The following CUL1 variants were observed in gnomAD, a reference collection of about 807,000 sequenced individuals.
CUL1 encodes cullin 1.
Under a neutral mutation model 118.0 loss-of-function variants are expected in CUL1, and 24 were observed. That is an observed-to-expected ratio of 0.20 (90% CI 0.15 to 0.29). CUL1 has a LOEUF of 0.29. Among genes scored for constraint, CUL1 ranks in the 10% least tolerant of loss-of-function variants. The pLI is 1.00. For synonymous variants in CUL1, 332 were observed against 340.4 expected (o/e 0.98, Z 0.27); for missense variants, 361 against 933.8 (o/e 0.39, Z 7.99).
chr7:148,732,867 G>T (rs1001512762), intron 2 of CUL1, among the ~76,000 whole-genome samples: 1 of 152,068 alleles, frequency 6.6e-6, no homozygotes, highest in African/African-American at 2.4e-5. Flanking sequence ...TTTTGTCTGA[G>T]AAATAATAGC....
chr7:148,724,890 C>T (rs1453319311), intron 1 of CUL1, among the ~76,000 whole-genome samples: 7 of 151,908 alleles, frequency 4.6e-5, no homozygotes, highest in Admixed American at 4.6e-4. Flanking sequence ...GTTTGGGGAC[C>T]TCCTAGGTTT....
chr7:148,702,614 C>T (rs1319073648), intron 1 of CUL1, among the ~76,000 whole-genome samples: 1 of 152,178 alleles, frequency 6.6e-6, no homozygotes, highest in Non-Finnish European at 1.5e-5. Flanking sequence ...CACTGGTCTG[C>T]CTTTCCTAGT....
At chr7:148,788,519 G>A in intron 13 of CUL1, 38 bp from the exon 14 acceptor site, 7 of 1,314,466 alleles carry the variant, frequency 5.3e-6, no homozygotes, top group East Asian at 2.3e-5. Context: ...TTGTATTTTT[G>A]TACAAATTAA....
intron 2 of CUL1, among the ~76,000 whole-genome samples, chr7:148,742,936 G>A (rs949979433): frequency 6.6e-6 from 1 of 152,110 alleles, no homozygotes; most frequent in Non-Finnish European, 1.5e-5. Context: ...GTATTTGAAA[G>A]TATAAATTTC....
intron 7 of CUL1, among the ~76,000 whole-genome samples, chr7:148,764,615 C>G (rs1799945358): frequency 6.6e-6 from 1 of 152,172 alleles, no homozygotes; most frequent in African/African-American, 2.4e-5. Flanking sequence ...TATGTTCTTC[C>G]AAGAAAGAGT....
At chr7:148,720,104 A>C (rs959647606) in intron 1 of CUL1, among the ~76,000 whole-genome samples, 5 of 152,226 alleles carry the variant, frequency 3.3e-5, no homozygotes, top group Admixed American at 6.5e-5. Flanking sequence ...TTATATAGTT[A>C]ATAAGCTGAC....
At position 148,798,561 on chromosome 7, in the gene CUL1, T is replaced by C. The variant is rs1801285413; in HGVS notation, c.2031-11T>C. ...TATAATAGTGATCGGTTTCCTCATT[T>C]TTCTTGATAGTAAGAAATTAAGGGT... On this transcript the variant is annotated splice_polypyrimidine_tract_variant and intron_variant, in intron 19 of 21. Transcript: ENST00000325222. 6.2e-7 allele frequency: 1 copy of C among 1,602,622 alleles called. No individual in the cohort carries two copies. The highest frequency in any genetic ancestry group is 1.3e-5 in the African/African-American group (1 of 74,690).
intron 2 of CUL1, among the ~76,000 whole-genome samples, chr7:148,744,397 A>AGTGT (rs56093418): frequency 0.014 from 2,030 of 144,056 alleles, 20 homozygotes; most frequent in African/African-American, 0.025. Context: ...TTGTTTCTGC[A>AGTGT]GTGTGTGTGT....
At chr7:148,783,407 T>C (rs1800713113) in intron 9 of CUL1, 1 of 985,482 alleles carries the variant, frequency 1.0e-6, no homozygotes, top group Non-Finnish European at 1.2e-6. Context: ...CCTCGGCGGC[T>C]AAACGCCTTC....
At chr7:148,753,235 CTGAGTA>C (rs1309663574) in intron 2 of CUL1, among the ~76,000 whole-genome samples, 6 of 152,198 alleles carry the variant, frequency 3.9e-5, no homozygotes, top group Non-Finnish European at 5.9e-5. Flanking sequence ...GTTGATCTTT[CTGAGTA>C]TAAGTATCTT....
At chr7:148,756,348 A>G (rs1799656034) in intron 3 of CUL1, among the ~76,000 whole-genome samples, 1 of 151,864 alleles carries the variant, frequency 6.6e-6, no homozygotes, top group Non-Finnish European at 1.5e-5. Flanking sequence ...TTTTTTGGGA[A>G]GGGGTGCGGC....
chr7:148,748,026 A>G (rs1018102045), intron 2 of CUL1, among the ~76,000 whole-genome samples: 1 of 152,236 alleles, frequency 6.6e-6, no homozygotes, highest in African/African-American at 2.4e-5. Flanking sequence ...TAAAGTGGGC[A>G]TGTCATATTT....
intron 9 of CUL1, among the ~76,000 whole-genome samples, chr7:148,782,656 A>C (rs917589639): frequency 1.3e-5 from 2 of 152,312 alleles, no homozygotes; most frequent in Non-Finnish European, 2.9e-5. Flanking sequence ...TTTTAACAGG[A>C]AACTTCTGAC....
At chr7:148,793,239 C>CT (rs1418823283) in intron 17 of CUL1, among the ~76,000 whole-genome samples, 1 of 152,178 alleles carries the variant, frequency 6.6e-6, no homozygotes, top group Non-Finnish European at 1.5e-5. Flanking sequence ...TTAGGCTTTT[C>CT]TTACTAAGCT....
At chr7:148,707,761 A>G (rs565491190) in intron 1 of CUL1, among the ~76,000 whole-genome samples, 1 of 152,284 alleles carries the variant, frequency 6.6e-6, no homozygotes, top group African/African-American at 2.4e-5. Context: ...TTTTTCTTTA[A>G]AAATCTAAAA....
rs552178464 is a variant in CUL1 at position 148,800,963 on chromosome 7, A to C, written c.*381A>C. On this transcript the variant is annotated 3_prime_UTR_variant, in exon 22 of 22. Transcript: ENST00000325222. The surrounding 1 kb of genome is among the most constrained non-coding windows in gnomAD (Gnocchi z 4.6). Reference sequence around the variant, plus strand: ...TGAGTGGACCCACATGTAACCTGCTATGAAAACCATTTGTATAGTGTGTTT... The same window carrying C: ...TGAGTGGACCCACATGTAACCTGCTCTGAAAACCATTTGTATAGTGTGTTT... The C allele has an allele frequency of 4.1e-5, 7 of 169,464 alleles. No homozygotes were observed. In the South Asian group the frequency reaches 7.2e-4, roughly 18 times the overall value. 10.5% of individuals were successfully genotyped at this position (169,464 alleles called of 1,614,324 possible).
At chr7:148,705,093 T>C (rs1458454592) in intron 1 of CUL1, among the ~76,000 whole-genome samples, 1 of 152,214 alleles carries the variant, frequency 6.6e-6, no homozygotes, top group Non-Finnish European at 1.5e-5. Flanking sequence ...CTCATTTATT[T>C]CCCCATATCT....
At chr7:148,763,158 T>A (rs71532742) in intron 7 of CUL1, among the ~76,000 whole-genome samples, 5,069 of 150,672 alleles carry the variant, frequency 0.034, 123 homozygotes, top group Non-Finnish European at 0.052. Context: ...AAAAAAAAAA[T>A]AAAAATAAAA....
At chr7:148,797,259 A>T (rs1160976054) in intron 17 of CUL1, among the ~76,000 whole-genome samples, 1 of 152,160 alleles carries the variant, frequency 6.6e-6, no homozygotes, top group Admixed American at 6.5e-5. Flanking sequence ...ATGAGCTGTC[A>T]GGCACTTAAG....
Sources: gnomAD v4.1 joint callset for allele counts (sites outside exome capture counted in the v4.1 genomes callset) on GRCh38, gnomAD v4.1.1 for gene constraint, Gnocchi (gnomAD v3.1) non-coding constraint, MANE v1.5 for transcripts, NCBI Gene and HGNC (gene_info 2026-07-23, HGNC 2026-07-21) for gene names.